The following ESF1 variants were observed in gnomAD, a reference collection of about 807,000 sequenced individuals.
ESF1 encodes ESF1 nucleolar pre-rRNA processing protein, also known as ESF1 homolog.
Under a neutral mutation model 92.0 loss-of-function variants are expected in ESF1, and 58 were observed. That is an observed-to-expected ratio of 0.63 (90% confidence interval 0.51 to 0.78). The LOEUF is 0.78. Ranked by LOEUF, ESF1 falls within the 30% of genes least tolerant of loss-of-function variation. The pLI is 0.00. For missense variants in ESF1, 922 were observed against 989.1 expected (o/e 0.93, Z 0.91); for synonymous variants, 321 against 313.7 (o/e 1.02, Z -0.24).
intron 7 of ESF1, among the ~76,000 whole-genome samples, chr20:13,767,254 T>C (rs534052008): frequency 6.6e-6 from 1 of 152,122 alleles, no homozygotes; most frequent in Non-Finnish European, 1.5e-5. Context: ...GGGCCAGGCA[T>C]GGTGGCTCAC....
chr20:13,722,466 A>G (rs115166000), intron 11 of ESF1, among the ~76,000 whole-genome samples: 2,795 of 152,250 alleles, frequency 0.018, 92 homozygotes, highest in African/African-American at 0.062. Flanking sequence ...AAAATTTCAG[A>G]CTTAAGTTAG....
intron 12 of ESF1, 46 bp from the exon 13 acceptor site, chr20:13,717,560 T>C (rs766272527): frequency 6.2e-7 from 1 of 1,604,092 alleles, no homozygotes; most frequent in South Asian, 1.1e-5. Flanking sequence ...GTGCTTTTTT[T>C]TCCACCCCCA....
intron 2 of ESF1, among the ~76,000 whole-genome samples, chr20:13,778,179 T>C (rs549629835): frequency 1.3e-5 from 2 of 152,136 alleles, no homozygotes; most frequent in Non-Finnish European, 2.9e-5. Flanking sequence ...AGGCATCTTG[T>C]TAGAAGGAAA....
In ESF1 at chr20:13,765,633, C is replaced by G. The variant is rs149244735; in HGVS notation, c.1666+1144G>C. On this transcript the variant is annotated intron_variant, in intron 8 of 13. Coordinates refer to ENST00000617257, the MANE Select transcript of ESF1 (RefSeq NM_001276380.2). ...AGTACCCTGACATTAAGCAGCCACC[C>G]AGAGGGATATACTCCCAGGGAAATG... Among the ~76,000 whole-genome samples, 83 of 152,292 alleles carry G rather than the reference C, an allele frequency of 5.5e-4. 1 individual carries two copies. The East Asian group carries it at 0.011, about 21-fold the overall frequency.
At chr20:13,779,302 G>C (rs573262086) in intron 2 of ESF1, among the ~76,000 whole-genome samples, 1 of 151,986 alleles carries the variant, frequency 6.6e-6, no homozygotes, top group Admixed American at 6.5e-5. Flanking sequence ...AAAAAGTTAG[G>C]AAAATATGGT....
At chr20:13,784,154 C>A (rs1980471959) in intron 1 of ESF1, among the ~76,000 whole-genome samples, 1 of 152,008 alleles carries the variant, frequency 6.6e-6, no homozygotes, top group African/African-American at 2.4e-5. Flanking sequence ...AGCTCATTCC[C>A]CCAAAACATA....
intron 12 of ESF1, among the ~76,000 whole-genome samples, chr20:13,718,467 C>T (rs753293124): frequency 1.7e-4 from 26 of 152,058 alleles, no homozygotes; most frequent in Non-Finnish European, 2.1e-4. Flanking sequence ...TAATTTTGTA[C>T]GTTAAATATA....
chr20:13,733,127 T>A (rs190277172), intron 10 of ESF1, among the ~76,000 whole-genome samples: 1 of 152,016 alleles, frequency 6.6e-6, no homozygotes, highest in Non-Finnish European at 1.5e-5. Context: ...GGTTTCGCCA[T>A]GTTGGCCAAG....
At chr20:13,748,521 T>TATATATACAC (rs1978406726) in intron 9 of ESF1, among the ~76,000 whole-genome samples, 1 of 125,920 alleles carries the variant, frequency 7.9e-6, no homozygotes, top group African/African-American at 3.0e-5. Context: ...TATATACACA[T>TATATATACAC]ATATATATAC....
intron 11 of ESF1, among the ~76,000 whole-genome samples, chr20:13,724,414 A>G (rs148395899): frequency 0.018 from 2,793 of 152,342 alleles, 87 homozygotes; most frequent in African/African-American, 0.062. Flanking sequence ...AAGGCACACA[A>G]AAAACTTCCA....
intron 2 of ESF1, among the ~76,000 whole-genome samples, chr20:13,779,155 G>A (rs1980071725): frequency 6.6e-6 from 1 of 152,056 alleles, no homozygotes; most frequent in Non-Finnish European, 1.5e-5. Flanking sequence ...TCTATTCCTA[G>A]ACAGTATTGC....
intron 9 of ESF1, among the ~76,000 whole-genome samples, chr20:13,749,666 A>G (rs995901422): frequency 9.2e-5 from 14 of 152,052 alleles, no homozygotes; most frequent in African/African-American, 3.4e-4. Context: ...GCCGGGTTCA[A>G]GAGATTCTCC....
chr20:13,750,772 A>G (rs1388868856), intron 9 of ESF1, among the ~76,000 whole-genome samples: 1 of 152,174 alleles, frequency 6.6e-6, no homozygotes, highest in African/African-American at 2.4e-5. Flanking sequence ...TGAGGCCAGG[A>G]TTTTGAAGCC....
In ESF1 at chr20:13,782,876, A is replaced by G. The variant is rs1229976981; in HGVS notation, c.265T>C (p.Leu89=). ...SNLSGEDSKA[L]SQKKIKKKKT... is the part of the protein sequence containing the mutation. ...TTCTTCTTTATTTTCTTTTGACTCA[A>G]TGCTTTGCTATCTTCACCAGAGAGA... The change falls in exon 2 of 14, where the codon TTG becomes CTG. Residue 89 remains leucine, a synonymous_variant. Transcript: ENST00000617257. The G allele has an allele frequency of 6.2e-7, 1 of 1,612,762 alleles. No homozygotes were observed. The highest frequency in any genetic ancestry group is 8.5e-7 in the Non-Finnish European group (1 of 1,179,878).
chr20:13,776,447 T>C (rs1979947417), intron 2 of ESF1, among the ~76,000 whole-genome samples, 177 bp from the exon 3 acceptor site: 1 of 152,176 alleles, frequency 6.6e-6, no homozygotes, highest in South Asian at 2.1e-4. Flanking sequence ...TAACCATAAC[T>C]TCTATGAAAC....
intron 8 of ESF1, among the ~76,000 whole-genome samples, chr20:13,764,465 TCAA>T (rs765509579): frequency 9.2e-5 from 14 of 152,150 alleles, no homozygotes; most frequent in Non-Finnish European, 1.3e-4. Flanking sequence ...AGCTGATTCT[TCAA>T]CAACATGGAG....
At chr20:13,755,502 G>C (rs1246650543) in intron 9 of ESF1, among the ~76,000 whole-genome samples, 1 of 152,132 alleles carries the variant, frequency 6.6e-6, no homozygotes, top group Non-Finnish European at 1.5e-5. Context: ...TACATTTCTT[G>C]ATGAAGGCCC....
At chr20:13,777,215 T>G (rs1320119671) in intron 2 of ESF1, among the ~76,000 whole-genome samples, 1 of 152,180 alleles carries the variant, frequency 6.6e-6, no homozygotes, top group Non-Finnish European at 1.5e-5. Flanking sequence ...TATGCAGAGA[T>G]GTACATGGAT....
chr20:13,746,882 A>G (rs1251981915), intron 9 of ESF1, among the ~76,000 whole-genome samples: 18 of 152,204 alleles, frequency 1.2e-4, no homozygotes, highest in Non-Finnish European at 8.8e-5. Flanking sequence ...TATTAGGGTG[A>G]GTTTATATAA....
Sources: allele counts gnomAD v4.1 joint callset (sites outside exome capture counted in the v4.1 genomes callset), GRCh38; gene constraint gnomAD v4.1.1; transcripts MANE v1.5; gene names NCBI Gene and HGNC (gene_info 2026-07-23, HGNC 2026-07-21).